PTPRT: variants seen among roughly 807,000 people sequenced by gnomAD.
PTPRT encodes the protein receptor-type tyrosine-protein phosphatase T.
In PTPRT, 56 loss-of-function variants were observed where a neutral mutation model predicts 176.8. That is an observed-to-expected ratio of 0.32 (90% CI 0.26 to 0.40). PTPRT has a LOEUF of 0.40. Among genes scored for constraint, PTPRT ranks in the 10% least tolerant of loss-of-function variants. The pLI is 1.00. For synonymous variants in PTPRT, 783 were observed against 739.0 expected, an observed-to-expected ratio of 1.06 and a Z score of -0.96; for missense variants, 1,540 against 1,908.2, an observed-to-expected ratio of 0.81 and a Z score of 3.60.
chr20:42,669,177 A>G (rs2075371741), intron 7 of PTPRT, among the ~76,000 whole-genome samples: 1 of 152,156 alleles, frequency 6.6e-6, no homozygotes, highest in Non-Finnish European at 1.5e-5. Context: ...AAGAACTGCC[A>G]GAACCCTTTC....
chr20:42,092,186 G>A (rs1984692602), intron 27 of PTPRT, among the ~76,000 whole-genome samples: 1 of 152,160 alleles, frequency 6.6e-6, no homozygotes, highest in South Asian at 2.1e-4. Context: ...GAGAGCTGAG[G>A]AGGCAAGGTG....
In PTPRT at chr20:42,352,083, C is replaced by A; in HGVS notation, c.1762+1G>T. ...TCCTTTTTCCTTTCTAGCAGAGATACCTGAAATTTTGGTGGCAATCCGAGT... is the reference window on the plus strand; with the variant it reads ...TCCTTTTTCCTTTCTAGCAGAGATAACTGAAATTTTGGTGGCAATCCGAGT... On this transcript the variant is annotated splice_donor_variant, in intron 10 of 30. Coordinates refer to ENST00000373187, the MANE Select transcript of PTPRT (RefSeq NM_007050.6). LOFTEE classifies it high-confidence loss of function. 6.2e-7 allele frequency: 1 copy of A among 1,613,206 alleles called. No homozygotes were observed. Among genetic ancestry groups the A allele is most frequent in the Non-Finnish European group, 8.5e-7 (1 of 1,179,398 alleles).
chr20:42,326,960 A>AC (rs2057891863), intron 11 of PTPRT, among the ~76,000 whole-genome samples: 2 of 150,936 alleles, frequency 1.3e-5, no homozygotes, highest in African/African-American at 4.9e-5. Flanking sequence ...CTTAAAAAAA[A>AC]AAAAACAACA....
intron 14 of PTPRT, among the ~76,000 whole-genome samples, chr20:42,247,934 T>C (rs1017489509): frequency 2.0e-5 from 3 of 152,222 alleles, no homozygotes; most frequent in Admixed American, 6.5e-5. Context: ...TTCCTTGTGT[T>C]ATCCTCAAGC....
chr20:42,268,381 T>G (rs1185119354), intron 13 of PTPRT, among the ~76,000 whole-genome samples: 1 of 152,204 alleles, frequency 6.6e-6, no homozygotes, highest in South Asian at 2.1e-4. Flanking sequence ...ATTATCTGAC[T>G]GCTCGACTGG....
intron 6 of PTPRT, among the ~76,000 whole-genome samples, chr20:42,741,588 C>T (rs2076611649): frequency 6.6e-6 from 1 of 152,238 alleles, no homozygotes; most frequent in Admixed American, 6.5e-5. Flanking sequence ...TCAGGTGATC[C>T]ACCTGACTCG....
At chr20:42,247,647 G>T (rs927926872) in intron 14 of PTPRT, among the ~76,000 whole-genome samples, 6 of 152,170 alleles carry the variant, frequency 3.9e-5, no homozygotes, top group African/African-American at 1.4e-4. Flanking sequence ...AGGCTCTTTT[G>T]CCTGGGAGCA....
intron 7 of PTPRT, among the ~76,000 whole-genome samples, chr20:42,614,397 C>G (rs1364106081): frequency 2.6e-5 from 4 of 152,142 alleles, no homozygotes; most frequent in Non-Finnish European, 1.5e-5. Context: ...TAATTCAGGT[C>G]CATAGTACCT....
chr20:42,716,177 G>C (rs2076219858), intron 6 of PTPRT, among the ~76,000 whole-genome samples: 2 of 152,102 alleles, frequency 1.3e-5, no homozygotes, highest in South Asian at 4.2e-4. Context: ...CTGCTAAATA[G>C]CTCGGATCAG....
intron 7 of PTPRT, among the ~76,000 whole-genome samples, chr20:42,504,098 T>C (rs1403319714): frequency 6.6e-6 from 1 of 152,154 alleles, no homozygotes; most frequent in Non-Finnish European, 1.5e-5. Context: ...AATATAAGCT[T>C]CAGGGGAATT....
At chr20:42,818,364 A>C (rs1003098437) in intron 2 of PTPRT, among the ~76,000 whole-genome samples, 36 of 122,790 alleles carry the variant, frequency 2.9e-4, no homozygotes, top group Admixed American at 7.7e-4. Flanking sequence ...AAAAAGACCC[A>C]AAAAAAAAAC....
At chr20:42,895,099 A>ATAGTAAAT (rs1343331006) in intron 1 of PTPRT, among the ~76,000 whole-genome samples, 1 of 152,230 alleles carries the variant, frequency 6.6e-6, no homozygotes, top group African/African-American at 2.4e-5. Flanking sequence ...AAAAGGCTAG[A>ATAGTAAAT]TAGTAAATAT....
At chr20:43,082,817 C>T (rs922797828) in intron 1 of PTPRT, among the ~76,000 whole-genome samples, 4 of 152,028 alleles carry the variant, frequency 2.6e-5, no homozygotes, top group African/African-American at 9.7e-5. Flanking sequence ...TCTCAGGAAA[C>T]AACTATCAGG....
chr20:42,328,074 T>C (rs1285571766), intron 11 of PTPRT, among the ~76,000 whole-genome samples: 1 of 152,038 alleles, frequency 6.6e-6, no homozygotes, highest in Non-Finnish European at 1.5e-5. Context: ...CTGGGGAAAA[T>C]AGGAACTTAC....
At chr20:42,187,714 T>A (rs1002268888) in intron 16 of PTPRT, among the ~76,000 whole-genome samples, 1 of 152,220 alleles carries the variant, frequency 6.6e-6, no homozygotes, top group Admixed American at 6.5e-5. Flanking sequence ...TTCTAATCCA[T>A]CAGCTCCTTC....
At chr20:42,901,139 T>C (rs1004350302) in intron 1 of PTPRT, among the ~76,000 whole-genome samples, 1 of 152,156 alleles carries the variant, frequency 6.6e-6, no homozygotes, top group African/African-American at 2.4e-5. Flanking sequence ...AGTCTGGGCT[T>C]CCAGAGCTTG....
At chr20:42,384,810 T>C (rs906280627) in intron 9 of PTPRT, among the ~76,000 whole-genome samples, 4 of 152,222 alleles carry the variant, frequency 2.6e-5, no homozygotes, top group African/African-American at 9.6e-5. Context: ...TATCTCACTG[T>C]GGTTTTGATT....
intron 22 of PTPRT, among the ~76,000 whole-genome samples, chr20:42,113,840 G>A (rs1342469997): frequency 1.3e-5 from 2 of 152,334 alleles, no homozygotes; most frequent in Admixed American, 6.5e-5. Flanking sequence ...TCCTCTTAGT[G>A]GAGGGAGTTC....
chr20:42,411,270 C>G (rs936907484), intron 9 of PTPRT, among the ~76,000 whole-genome samples: 1 of 151,858 alleles, frequency 6.6e-6, no homozygotes, highest in African/African-American at 2.4e-5. Flanking sequence ...CACGGTGAAA[C>G]CCCATCTCTA....
Sources: gnomAD v4.1 joint callset for allele counts (sites outside exome capture counted in the v4.1 genomes callset) on GRCh38, gnomAD v4.1.1 for gene constraint, MANE v1.5 for transcripts, NCBI Gene and HGNC (gene_info 2026-07-23, HGNC 2026-07-21) for gene names.